SLC12A6: variants seen among roughly 807,000 people sequenced by gnomAD.
SLC12A6 encodes the protein K-Cl cotransporter 3.
A neutral mutation model predicts 135.3 loss-of-function variants in SLC12A6; 66 were observed. That is an observed-to-expected ratio of 0.49 (90% CI 0.40 to 0.60). SLC12A6 has a LOEUF of 0.60. Ranked by LOEUF, SLC12A6 falls within the 20% of genes least tolerant of loss-of-function variation. The pLI is 0.00. For missense variants in SLC12A6, 1,058 were observed against 1,452.3 expected, an observed-to-expected ratio of 0.73 and a Z score of 4.41; for synonymous variants, 513 against 508.8, an observed-to-expected ratio of 1.01 and a Z score of -0.11.
intron 13 of SLC12A6, among the ~76,000 whole-genome samples, chr15:34,249,068 C>T (rs918872536): frequency 2.6e-5 from 4 of 152,066 alleles, no homozygotes; most frequent in Non-Finnish European, 5.9e-5. Flanking sequence ...GGCTCTGAAG[C>T]AGGGAGGTTT....
Position 34,261,022 on chromosome 15 carries a change from T to TG in SLC12A6, c.317-3dup. The TG allele has an allele frequency of 1.3e-6, 2 of 1,495,442 alleles. No individual in the cohort carries two copies. The highest frequency in any genetic ancestry group is 1.9e-6 in the Non-Finnish European group (2 of 1,072,704). The allele number at this position is 1,495,442 out of a possible 1,614,324, so 92.6% of individuals were successfully genotyped here. A position where few individuals can be genotyped will look rare whatever the true frequency, so the allele number is the denominator to read the frequency against. On this transcript the variant is annotated splice_region_variant and splice_polypyrimidine_tract_variant and intron_variant, in intron 3 of 25. Transcript: ENST00000354181. Reference sequence around the variant, plus strand: ...TTCGAGCTTTCTTATGTCCGTCGTCTGGAAAAAAAAAAGTAGACCAAGTTA... The same window carrying TG: ...TTCGAGCTTTCTTATGTCCGTCGTCTGGGAAAAAAAAAAGTAGACCAAGTTA...
At chr15:34,248,883 G>T (rs1427561263) in intron 13 of SLC12A6, among the ~76,000 whole-genome samples, 1 of 152,122 alleles carries the variant, frequency 6.6e-6, no homozygotes, top group African/African-American at 2.4e-5. Flanking sequence ...TGGCCAGGTG[G>T]GAGTAACCTA....
At chr15:34,281,847 A>G (rs1013768404) in intron 2 of SLC12A6, among the ~76,000 whole-genome samples, 2 of 152,204 alleles carry the variant, frequency 1.3e-5, no homozygotes, top group African/African-American at 2.4e-5. Context: ...TAATTAAGCA[A>G]TAAGATGGCA....
intron 15 of SLC12A6, 148 bp from the exon 16 acceptor site, chr15:34,244,220 C>T: frequency 4.5e-6 from 3 of 670,194 alleles, no homozygotes; most frequent in Non-Finnish European, 8.1e-6. Context: ...AACCTCTCCC[C>T]ACAAAACTGT....
intron 3 of SLC12A6, among the ~76,000 whole-genome samples, chr15:34,263,769 T>A (rs537807490): frequency 6.6e-6 from 1 of 152,264 alleles, no homozygotes; most frequent in East Asian, 1.9e-4. Context: ...TGTATAAGGA[T>A]GGGCTTGAGA....
At chr15:34,255,435 T>C in intron 7 of SLC12A6, 43 bp from the exon 8 acceptor site, 1 of 1,434,366 alleles carries the variant, frequency 7.0e-7, no homozygotes, top group South Asian at 1.1e-5. Context: ...AGAGTGTGTA[T>C]TAGCAAGAGG....
At chr15:34,312,462 T>C (rs74010058) in intron 2 of SLC12A6, among the ~76,000 whole-genome samples, 16,158 of 152,218 alleles carry the variant, frequency 0.11, 974 homozygotes, top group South Asian at 0.16. Flanking sequence ...AAGGAGTTTA[T>C]AATCAGTGTA....
At chr15:34,248,171 T>C (rs1566809516) in intron 13 of SLC12A6, among the ~76,000 whole-genome samples, 1 of 152,212 alleles carries the variant, frequency 6.6e-6, no homozygotes, top group Non-Finnish European at 1.5e-5. Context: ...TCCTATTACA[T>C]GAATATATAA....
At chr15:34,300,135 A>G (rs925297002) in intron 2 of SLC12A6, among the ~76,000 whole-genome samples, 10 of 152,200 alleles carry the variant, frequency 6.6e-5, no homozygotes, top group African/African-American at 2.4e-4. Context: ...AGAGTTAGGA[A>G]GCAAGAAAGG....
intron 2 of SLC12A6, among the ~76,000 whole-genome samples, chr15:34,313,171 G>A (rs992622878): frequency 6.6e-6 from 1 of 152,186 alleles, no homozygotes; most frequent in Non-Finnish European, 1.5e-5. Flanking sequence ...CAGTGAGAAA[G>A]GCATGTTAAA....
chr15:34,300,373 A>T (rs1409663636), intron 2 of SLC12A6, among the ~76,000 whole-genome samples: 1 of 152,196 alleles, frequency 6.6e-6, no homozygotes, highest in Non-Finnish European at 1.5e-5. Flanking sequence ...AGAATCACAC[A>T]GAATGTCTAA....
intron 15 of SLC12A6, among the ~76,000 whole-genome samples, chr15:34,244,808 T>A (rs1048850321): frequency 2.0e-5 from 3 of 152,246 alleles, no homozygotes; most frequent in Admixed American, 2.0e-4. Context: ...TCCATCTGTT[T>A]AGATGCCTTG....
At chr15:34,317,505 T>C (rs1300038245) in intron 2 of SLC12A6, among the ~76,000 whole-genome samples, 2 of 152,020 alleles carry the variant, frequency 1.3e-5, no homozygotes, top group Non-Finnish European at 2.9e-5. Flanking sequence ...GAGTTTGAGA[T>C]CAGCCTGGCC....
chr15:34,237,338 C>T, intron 22 of SLC12A6, 81 bp downstream of exon 22: 6 of 1,305,746 alleles, frequency 4.6e-6, no homozygotes, highest in South Asian at 1.2e-5. Flanking sequence ...TGAAAAATTT[C>T]CCAAACCAGA....
rs199691611 is a variant in SLC12A6 at position 34,244,091 on chromosome 15, G to A, written c.1944-19C>T. ...AAAAAACCTGAAGAATAAAGAGTAA[G>A]AGGAATGATTATTACTGGAAGATGA... On this transcript the variant is annotated intron_variant, in intron 15 of 25. Coordinates refer to ENST00000354181, the MANE Select transcript of SLC12A6 (RefSeq NM_001365088.1). The A allele has an allele frequency of 3.1e-4, 394 of 1,289,384 alleles. No individual in the cohort carries two copies. Among genetic ancestry groups the A allele is most frequent in the Non-Finnish European group, 4.3e-4 (377 of 883,456 alleles). The allele number at this position is 1,289,384 out of a possible 1,614,324, so 79.9% of individuals were successfully genotyped here.
In SLC12A6 at chr15:34,257,770, AGGTACCCATTTG is replaced by A; in HGVS notation, c.550_561del (p.Gln184_Thr187del). On this transcript the variant is annotated inframe_deletion, in exon 6 of 26. Transcript: ENST00000354181. ...AGACATGGGAGGTAGACACCCATGA[AGGTACCCATTTG>A]GGGGGTCTAGAAAGAAAGACATTGA... 6.2e-7 allele frequency: 1 copy of A among 1,607,070 alleles called. No individual in the cohort carries two copies.
At chr15:34,312,153 G>A (rs1344077459) in intron 2 of SLC12A6, among the ~76,000 whole-genome samples, 1 of 151,918 alleles carries the variant, frequency 6.6e-6, no homozygotes, top group East Asian at 1.9e-4. Flanking sequence ...AAACAGCTTG[G>A]CAAAAGTCAC....
At chr15:34,328,090 C>G (rs1889595964) in intron 2 of SLC12A6, among the ~76,000 whole-genome samples, 1 of 150,262 alleles carries the variant, frequency 6.7e-6, no homozygotes, top group Non-Finnish European at 1.5e-5. Flanking sequence ...CAGCTCTGAG[C>G]TAAGATAACA....
chr15:34,329,044 C>T (rs1016249305), intron 2 of SLC12A6, among the ~76,000 whole-genome samples: 3 of 152,210 alleles, frequency 2.0e-5, no homozygotes, highest in Admixed American at 6.5e-5. Flanking sequence ...TCACATAATT[C>T]CTACACTATA....
Sources: gnomAD v4.1 joint callset for allele counts (sites outside exome capture counted in the v4.1 genomes callset) on GRCh38, gnomAD v4.1.1 for gene constraint, MANE v1.5 for transcripts, NCBI Gene and HGNC (gene_info 2026-07-23, HGNC 2026-07-21) for gene names.